IQANK1: variants seen among roughly 807,000 people sequenced by gnomAD.
IQANK1 encodes IQ motif and ankyrin repeat domain-containing protein 1.
In IQANK1, 30 loss-of-function variants were observed where a neutral mutation model predicts 22.6. The observed-to-expected ratio is 1.33, with a 90% CI of 0.99 to 1.80. The LOEUF (loss-of-function observed/expected upper bound fraction) is 1.80, where lower values mean the gene tolerates loss of function less well. IQANK1 is among the 40% of genes most tolerant of loss of function. The pLI, the probability that IQANK1 is intolerant of heterozygous loss-of-function variation, is 0.00. For synonymous variants in IQANK1, 122 were observed against 99.6 expected, an observed-to-expected ratio of 1.23 and a Z score of -1.34; for missense variants, 275 against 235.2, an observed-to-expected ratio of 1.17 and a Z score of -1.11.
rs142398476 is a variant in IQANK1 at position 143,759,608 on chromosome 8, G to T, written c.176-11880G>T. 1.5e-4 allele frequency: 23 copies of T among 152,362 alleles called. 1 individual carries two copies. The highest frequency in any genetic ancestry group is 5.5e-4 in the African/African-American group (23 of 41,576). 9.4% of individuals were successfully genotyped at this position (152,362 alleles called of 1,614,324 possible). ...AAAATATGTCACATCAGTAGCAGCA[G>T]GTGCAGTTGGAATAGCCACCTGCTG... On this transcript the variant is annotated intron_variant, in intron 3 of 13. Transcript: ENST00000527139.
chr8:143,773,318 A>C (rs532138907), intron 7 of IQANK1, among the ~76,000 whole-genome samples: 73 of 75,750 alleles, frequency 9.6e-4, no homozygotes, highest in African/African-American at 4.0e-3. Context: ...AAAAAAAAAC[A>C]AAAAAAACAC....
chr8:143,784,712 A>T (rs989660126), intron 7 of IQANK1, among the ~76,000 whole-genome samples: 18 of 152,086 alleles, frequency 1.2e-4, no homozygotes, highest in Non-Finnish European at 2.4e-4. Flanking sequence ...GCTGGTCAGT[A>T]TACCAGAGGG....
chr8:143,751,678 A>ATATATATATATATAT (rs1554628061), intron 3 of IQANK1, among the ~76,000 whole-genome samples: 14 of 139,106 alleles, frequency 1.0e-4, no homozygotes, highest in South Asian at 2.3e-4. Context: ...ATATATATAT[A>ATATATATATATATAT]AAATCCTATA....
At chr8:143,740,059 C>T in intron 3 of IQANK1, 111 bp downstream of exon 3, 1 of 560,560 alleles carries the variant, frequency 1.8e-6, no homozygotes, top group Non-Finnish European at 3.2e-6. Context: ...GTGTCATGTA[C>T]ACATGTGCTT....
At chr8:143,746,136 T>G (rs1587474837) in intron 3 of IQANK1, 1 of 152,340 alleles carries the variant, frequency 6.6e-6, no homozygotes, top group African/African-American at 2.4e-5. Flanking sequence ...CCTTTCCAAT[T>G]TGGATGCCTT....
At chr8:143,740,083 T>G (rs1408035172) in intron 3 of IQANK1, 135 bp downstream of exon 3, 6 of 530,078 alleles carry the variant, frequency 1.1e-5, no homozygotes, top group Middle Eastern at 4.8e-4. Flanking sequence ...CGCGCACGTG[T>G]GGGAGTGCGC....
intron 3 of IQANK1, among the ~76,000 whole-genome samples, chr8:143,753,981 G>A (rs1374714748): frequency 1.3e-5 from 2 of 151,980 alleles, no homozygotes; most frequent in African/African-American, 4.8e-5. Context: ...GGCTCAGCTG[G>A]GGTATAAACT....
intron 3 of IQANK1, among the ~76,000 whole-genome samples, chr8:143,764,479 T>C (rs1425113081): frequency 6.7e-6 from 1 of 148,918 alleles, no homozygotes; most frequent in African/African-American, 2.5e-5. Flanking sequence ...TTAGTGCCTG[T>C]AGTCCCAGCT....
chr8:143,753,699 C>A lies in IQANK1; in HGVS notation c.175+13751C>A, dbSNP rs139155667. Among the ~76,000 whole-genome samples the A allele has an allele frequency of 1.5e-3, 228 of 152,288 alleles. 2 individuals are homozygous for A. The highest frequency in any genetic ancestry group is 5.4e-3 in the African/African-American group (223 of 41,568). ...CGAACTCCTGACCTCAGGTGACCTG[C>A]CTGCCTCGGCCTCCCAAAATGTTGC... On this transcript the variant is annotated intron_variant, in intron 3 of 13. Transcript: ENST00000527139.
chr8:143,735,848 A>C lies in IQANK1; in HGVS notation c.-4-2A>C. On this transcript the variant is annotated splice_acceptor_variant, in intron 1 of 13. Coordinates refer to ENST00000527139, the MANE Select transcript of IQANK1 (RefSeq NM_001381874.1). LOFTEE classifies it low-confidence loss of function (5UTR_SPLICE). The surrounding 1 kb of genome is among the most constrained non-coding windows in gnomAD (Gnocchi z 5.2). ...CCTGGTCCTTCCCTACCCACCCCCC[A>C]GGAGAATGGACAGTAAGAAGGGGAG... is the stretch of plus-strand genomic sequence containing the variant. 1 of 702,164 alleles carries C rather than the reference A, an allele frequency of 1.4e-6. No homozygotes were observed. The highest frequency in any genetic ancestry group is 2.6e-6 in the Non-Finnish European group (1 of 384,714). 43.5% of individuals were successfully genotyped at this position (702,164 alleles called of 1,614,324 possible).
chr8:143,739,914 G>A lies in IQANK1; in HGVS notation c.141G>A (p.Glu47=), dbSNP rs1239406427. Residue 47 remains glutamate, a synonymous_variant, in exon 3 of 14, where the codon GAG becomes GAA. Coordinates refer to ENST00000527139, the MANE Select transcript of IQANK1 (RefSeq NM_001381874.1). The part of the protein sequence containing the change: ...PQRKAGWQAR[E]PASAESPQAP... Reference sequence around the variant, plus strand: ...GGAAAGCGGGCTGGCAGGCGAGGGAGCCCGCGTCGGCTGAGAGCCCACAGG... The same window carrying A: ...GGAAAGCGGGCTGGCAGGCGAGGGAACCCGCGTCGGCTGAGAGCCCACAGG... 4 of 699,262 alleles carry A rather than the reference G, an allele frequency of 5.7e-6. No homozygotes were observed. The Admixed American group carries it at 8.1e-5, about 14-fold the overall frequency. The allele number at this position is 699,262 out of a possible 1,614,324, so 43.3% of individuals were successfully genotyped here.
At chr8:143,780,763 T>C (rs1325447678) in intron 7 of IQANK1, among the ~76,000 whole-genome samples, 12 of 152,208 alleles carry the variant, frequency 7.9e-5, no homozygotes, top group Non-Finnish European at 1.6e-4. Context: ...TCTTTGCTAT[T>C]GTGAATAGTG....
chr8:143,775,449 G>A (rs2129920132), intron 7 of IQANK1, among the ~76,000 whole-genome samples: 1 of 151,820 alleles, frequency 6.6e-6, no homozygotes, highest in Admixed American at 6.6e-5. Flanking sequence ...GGAATTAGTA[G>A]ACAAGAACAT....
intron 3 of IQANK1, among the ~76,000 whole-genome samples, chr8:143,754,107 A>C (rs1180675134): frequency 6.6e-6 from 1 of 152,106 alleles, no homozygotes; most frequent in East Asian, 1.9e-4. Flanking sequence ...GGCTCCTAAG[A>C]AGAGAAAAAG....
chr8:143,759,109 ATGAAGAG>A (rs1819344897), intron 3 of IQANK1: 1 of 323,872 alleles, frequency 3.1e-6, no homozygotes, highest in East Asian at 9.5e-5. Context: ...TTCGACTGCC[ATGAAGAG>A]GTTCTGGAAC....
chr8:143,783,134 A>G (rs115033672), intron 7 of IQANK1, among the ~76,000 whole-genome samples: 2,139 of 152,306 alleles, frequency 0.014, 54 homozygotes, highest in African/African-American at 0.048. Flanking sequence ...TGCTATGAAC[A>G]TTCTTGTATG....
chr8:143,749,091 AATATATAGCATATATGATATAAACGT>A (rs1265183081), intron 3 of IQANK1, among the ~76,000 whole-genome samples: 1 of 122,600 alleles, frequency 8.2e-6, no homozygotes, highest in East Asian at 2.4e-4. Context: ...AATGTATATA[AATATATAGCATATATGATATAAACGT>A]ATATATAGCA....
At chr8:143,785,619 G>T (rs192245629) in intron 7 of IQANK1, among the ~76,000 whole-genome samples, 1 of 151,992 alleles carries the variant, frequency 6.6e-6, no homozygotes, top group Non-Finnish European at 1.5e-5. Context: ...GAGTGCAGTG[G>T]TGTGATCACA....
At chr8:143,785,948 A>C (rs782142688) in intron 7 of IQANK1, among the ~76,000 whole-genome samples, 1 of 152,008 alleles carries the variant, frequency 6.6e-6, no homozygotes, top group Non-Finnish European at 1.5e-5. Flanking sequence ...GCTGGTCTCC[A>C]ACTCCTGACC....
Sources: allele counts gnomAD v4.1 joint callset (sites outside exome capture counted in the v4.1 genomes callset), GRCh38; gene constraint gnomAD v4.1.1; non-coding constraint Gnocchi (gnomAD v3.1); transcripts MANE v1.5; gene names NCBI Gene and HGNC (gene_info 2026-07-23, HGNC 2026-07-21).